Variants in CFAP54 observed in about 807,000 individuals in gnomAD.
CFAP54 encodes the protein cilia- and flagella-associated protein 54.
A neutral mutation model predicts 370.4 loss-of-function variants in CFAP54; 290 were observed. The ratio of observed to expected loss-of-function variants is 0.78; its 90% confidence interval spans 0.71 to 0.86. The LOEUF is 0.86. CFAP54 is among the 40% of genes least tolerant of loss of function. The pLI is 0.00. For synonymous variants in CFAP54, 1,206 were observed against 1,236.5 expected, an observed-to-expected ratio of 0.98 and a Z score of 0.52; for missense variants, 3,399 against 3,528.7, an observed-to-expected ratio of 0.96 and a Z score of 0.93.
Position 96,557,568 on chromosome 12 carries a change from C to G in CFAP54, c.2410+2766C>G, listed in dbSNP as rs150539907. Reference sequence around the variant, plus strand: ...CATTAATAGAGAATTGATAAAGAAACTGTGATATATTCATGTAAGGGAATA... The same window carrying G: ...CATTAATAGAGAATTGATAAAGAAAGTGTGATATATTCATGTAAGGGAATA... On this transcript the variant is annotated intron_variant, in intron 17 of 67. Transcript: ENST00000524981. Among the ~76,000 whole-genome samples, 777 of 152,136 alleles carry G rather than the reference C, an allele frequency of 5.1e-3. 11 individuals carry two copies. Among genetic ancestry groups the G allele is most frequent in the African/African-American group, 0.018 (733 of 41,528 alleles).
chr12:96,613,111 A>G (rs151055675), intron 26 of CFAP54, among the ~76,000 whole-genome samples: 1,852 of 152,356 alleles, frequency 0.012, 16 homozygotes, highest in Middle Eastern at 0.02. Context: ...AATTGACCAC[A>G]TAGTTGGAAG....
chr12:96,499,672 G>C (rs780930527), intron 1 of CFAP54, among the ~76,000 whole-genome samples: 1 of 152,086 alleles, frequency 6.6e-6, no homozygotes, highest in Admixed American at 6.6e-5. Flanking sequence ...CGGGCTGGGA[G>C]CGGTGGCTCA....
At chr12:96,792,054 G>A (rs1051880813) in intron 62 of CFAP54, among the ~76,000 whole-genome samples, 1 of 152,004 alleles carries the variant, frequency 6.6e-6, no homozygotes, top group Non-Finnish European at 1.5e-5. Context: ...GTTTCACCAT[G>A]TTGGCCAGAC....
chr12:96,537,810 G>A (rs755674263), intron 12 of CFAP54, among the ~76,000 whole-genome samples: 5 of 151,932 alleles, frequency 3.3e-5, no homozygotes, highest in African/African-American at 4.8e-5. Flanking sequence ...GGATCTAGGT[G>A]GGTCACGGTG....
rs71068819 is a variant in CFAP54, at chr12:96,621,875, G to GTTTTTTTTTTTTTTTTTTTTTTT, written c.3771+164_3771+186dup. On this transcript the variant is annotated intron_variant, in intron 27 of 67. Transcript: ENST00000524981. The stretch of plus-strand genomic sequence containing the variant: ...ATTATAGTAAAGAGCTTTTGGGTTT[G>GTTTTTTTTTTTTTTTTTTTTTTT]TTTTTTTTTTTTTTTTTTTTTTTTT... Among the ~76,000 whole-genome samples, 2 of 50,034 alleles carry GTTTTTTTTTTTTTTTTTTTTTTT rather than the reference G, an allele frequency of 4.0e-5. 1 individual carries two copies. Among genetic ancestry groups the GTTTTTTTTTTTTTTTTTTTTTTT allele is most frequent in the African/African-American group, 1.7e-4 (2 of 11,616 alleles). The allele number at this position is 50,034 out of a possible 152,430, so 32.8% of individuals were successfully genotyped here.
At chr12:96,567,853 A>C (rs1339734289) in intron 19 of CFAP54, among the ~76,000 whole-genome samples, 1 of 152,082 alleles carries the variant, frequency 6.6e-6, no homozygotes, top group Non-Finnish European at 1.5e-5. Context: ...GGGCAGGAAC[A>C]TCTTCTTTGG....
chr12:96,662,183 C>G (rs1404329262), intron 38 of CFAP54, among the ~76,000 whole-genome samples: 2 of 152,174 alleles, frequency 1.3e-5, no homozygotes, highest in African/African-American at 4.8e-5. Context: ...CTGAACCCCA[C>G]TTTCAGCCTA....
At chr12:96,739,881 A>G in intron 50 of CFAP54, 75 bp from the exon 51 acceptor site, 3 of 917,622 alleles carry the variant, frequency 3.3e-6, no homozygotes, top group Non-Finnish European at 4.8e-6. Flanking sequence ...TTTTTGGAGA[A>G]AGTGATTTAG....
intron 66 of CFAP54, among the ~76,000 whole-genome samples, chr12:96,838,422 C>T (rs545465461): frequency 1.3e-5 from 2 of 152,060 alleles, no homozygotes; most frequent in East Asian, 1.9e-4. Context: ...AAGAACTGCC[C>T]GAGACTGGGT....
At position 96,653,871 on chromosome 12, in the gene CFAP54, TGAA is replaced by T. The variant is rs753157637; in HGVS notation, c.5100+2060_5100+2062del. 9.2e-5 allele frequency among the ~76,000 whole-genome samples: 14 copies of T among 151,796 alleles called. No individual in the cohort carries two copies. The East Asian group carries it at 1.5e-3, about 17-fold the overall frequency. On this transcript the variant is annotated intron_variant, in intron 36 of 67. Coordinates refer to ENST00000524981, the MANE Select transcript of CFAP54 (RefSeq NM_001306084.2). ...TCTAGTATACTCATAGAAATACTGA[TGAA>T]GAACAAAAGTGAGAAAAGCACAAAT...
rs1955926767 is a variant in CFAP54 at position 96,572,186 on chromosome 12, C to T, written c.2620-4399C>T. On this transcript the variant is annotated intron_variant, in intron 19 of 67. Transcript: ENST00000524981. ...GATAAACAAAGCACTGTCCTTCCTGCCAAGACCAGTGTTTAGAGGGTGTGG... is the reference window on the plus strand; with the variant it reads ...GATAAACAAAGCACTGTCCTTCCTGTCAAGACCAGTGTTTAGAGGGTGTGG... Among the ~76,000 whole-genome samples the T allele has an allele frequency of 2.0e-5, 3 of 152,262 alleles. 1 individual carries two copies. The South Asian group carries it at 6.2e-4, about 32-fold the overall frequency.
At chr12:96,783,968 C>T (rs1958605234) in intron 60 of CFAP54, among the ~76,000 whole-genome samples, 2 of 152,200 alleles carry the variant, frequency 1.3e-5, no homozygotes, top group African/African-American at 4.8e-5. Context: ...TTCAAGGTCA[C>T]ACACTAGTGA....
chr12:96,788,147 A>C (rs17025917), intron 62 of CFAP54, among the ~76,000 whole-genome samples: 4,155 of 152,296 alleles, frequency 0.027, 195 homozygotes, highest in African/African-American at 0.093. Context: ...AGTAACACTG[A>C]AAACAACAAC....
chr12:96,633,427 T>C (rs1019579025), intron 32 of CFAP54, among the ~76,000 whole-genome samples: 1 of 152,240 alleles, frequency 6.6e-6, no homozygotes, highest in Non-Finnish European at 1.5e-5. Flanking sequence ...ATTGATATAA[T>C]CCACTGACCT....
At position 96,547,964 on chromosome 12, in the gene CFAP54, C is replaced by A. The variant is rs1291326272; in HGVS notation, c.2140C>A (p.Leu714Ile). The change falls in exon 15 of 68, where the codon CTT becomes ATT. Residue 714 changes from leucine (L) to isoleucine (I), a missense_variant. Leu to Ile is a conservative substitution (Grantham distance 5). Coordinates refer to ENST00000524981, the MANE Select transcript of CFAP54 (RefSeq NM_001306084.2). ...PGAPKGITEI[L>I]PILQKNPVEQ... ...AGCTCCAAAAGGGATCACAGAAATT[C>A]TTCCAATATTACAGGTATTACTACA... is the stretch of plus-strand genomic sequence containing the variant. The A allele has an allele frequency of 6.8e-7, 1 of 1,477,036 alleles. No homozygotes were observed. Among genetic ancestry groups the A allele is most frequent in the Non-Finnish European group, 9.0e-7 (1 of 1,107,724 alleles). The allele number at this position is 1,477,036 out of a possible 1,614,324, so 91.5% of individuals were successfully genotyped here. A position where few individuals can be genotyped will look rare whatever the true frequency, so the allele number is the denominator to read the frequency against.
intron 8 of CFAP54, among the ~76,000 whole-genome samples, chr12:96,524,411 G>C (rs1592831185): frequency 6.6e-6 from 1 of 152,136 alleles, no homozygotes; most frequent in African/African-American, 2.4e-5. Flanking sequence ...TTGCTGGCAG[G>C]TAGAAAGTAG....
chr12:96,825,578 A>G lies in CFAP54; in HGVS notation c.9097-3436A>G, dbSNP rs1339949619. On this transcript the variant is annotated intron_variant, in intron 65 of 67. Transcript: ENST00000524981. ...TATATATACTATATTTACCTATAAT[A>G]ATTATATATACATATATTATTTACA... 1.5e-4 allele frequency among the ~76,000 whole-genome samples: 18 copies of G among 119,058 alleles called. 1 individual carries two copies. The South Asian group carries it at 2.6e-3, about 17-fold the overall frequency. The allele number at this position is 119,058 out of a possible 152,430, so 78.1% of individuals were successfully genotyped here. A position where few individuals can be genotyped will look rare whatever the true frequency, so the allele number is the denominator to read the frequency against.
intron 67 of CFAP54, among the ~76,000 whole-genome samples, chr12:96,865,366 A>T (rs951742473): frequency 6.6e-6 from 1 of 152,212 alleles, no homozygotes; most frequent in Non-Finnish European, 1.5e-5. Flanking sequence ...AAGAAAATCA[A>T]GTGTTGCAGG....
chr12:96,825,444 T>C (rs1592788016), intron 65 of CFAP54, among the ~76,000 whole-genome samples: 1 of 118,118 alleles, frequency 8.5e-6, no homozygotes, highest in Non-Finnish European at 1.6e-5. Context: ...ATAATATATG[T>C]TATATTATAT....
Sources: allele counts gnomAD v4.1 joint callset (sites outside exome capture counted in the v4.1 genomes callset), GRCh38; gene constraint gnomAD v4.1.1; transcripts MANE v1.5; gene names NCBI Gene and HGNC (gene_info 2026-07-23, HGNC 2026-07-21).